ZC3H18: variants seen among roughly 807,000 people sequenced by gnomAD.
ZC3H18 encodes the protein zinc finger CCCH-type containing 18, also known as zinc finger CCCH domain-containing protein 18.
ZC3H18 carries 8 observed loss-of-function variants against 106.1 expected under a neutral mutation model. The ratio of observed to expected loss-of-function variants is 0.08; its 90% confidence interval spans 0.04 to 0.14. The LOEUF is 0.14. ZC3H18 is among the 10% of genes least tolerant of loss of function. The pLI is 1.00. For synonymous variants in ZC3H18, 635 were observed against 522.1 expected (o/e 1.22, Z -2.95); for missense variants, 1,318 against 1,278.4 (o/e 1.03, Z -0.47).
intron 8 of ZC3H18, 122 bp downstream of exon 8, chr16:88,611,658 G>A: frequency 7.2e-7 from 1 of 1,395,558 alleles, no homozygotes; most frequent in Non-Finnish European, 9.5e-7. Context: ...GGGGACCAGT[G>A]CAGGCCCACA....
In ZC3H18 at chr16:88,609,422, C is replaced by T. The variant is rs373763427; in HGVS notation, c.1206+371C>T. On this transcript the variant is annotated intron_variant, in intron 7 of 17. Transcript: ENST00000301011. Reference sequence around the variant, plus strand: ...AAATGATTCTCCATCCTCAGCCTCCCGAGTAGCTGGGACCACACGCATGCA... The same window carrying T: ...AAATGATTCTCCATCCTCAGCCTCCTGAGTAGCTGGGACCACACGCATGCA... Among the ~76,000 whole-genome samples, 94 of 151,530 alleles carry T rather than the reference C, an allele frequency of 6.2e-4. 3 individuals are homozygous for T. In the South Asian group the frequency reaches 0.018, roughly 29 times the overall value.
At chr16:88,593,198 T>C (rs1317467924) in intron 3 of ZC3H18, among the ~76,000 whole-genome samples, 1 of 152,176 alleles carries the variant, frequency 6.6e-6, no homozygotes, top group Non-Finnish European at 1.5e-5. Flanking sequence ...CACTTAGCAT[T>C]GGGCCCCCCT....
intron 5 of ZC3H18, 41 bp from the exon 6 acceptor site, chr16:88,599,750 T>A (rs1904647361): frequency 1.1e-5 from 17 of 1,582,214 alleles, no homozygotes; most frequent in Non-Finnish European, 1.4e-5. Flanking sequence ...CGACGCCCGG[T>A]ATTCTGTTCC....
intron 2 of ZC3H18, among the ~76,000 whole-genome samples, chr16:88,582,887 G>A (rs1045584770): frequency 6.6e-6 from 1 of 152,230 alleles, no homozygotes; most frequent in Non-Finnish European, 1.5e-5. Flanking sequence ...CAGGATTGCT[G>A]TGTACCTCGC....
chr16:88,608,819 TG>T, intron 6 of ZC3H18, 114 bp from the exon 7 acceptor site: 1 of 812,676 alleles, frequency 1.2e-6, no homozygotes. Flanking sequence ...CTTGCGCTCC[TG>T]GAGTAAACCC....
At chr16:88,625,371 G>A in intron 13 of ZC3H18, 104 bp downstream of exon 13, 2 of 1,428,160 alleles carry the variant, frequency 1.4e-6, no homozygotes, top group Non-Finnish European at 1.9e-6. Context: ...GGTGGGCTGG[G>A]GCCCTTCTGG....
chr16:88,604,397 G>A (rs186324491), intron 6 of ZC3H18, among the ~76,000 whole-genome samples: 1,507 of 149,788 alleles, frequency 0.01, 14 homozygotes, highest in Middle Eastern at 0.024. Flanking sequence ...ATTAAGAAAT[G>A]AAATGACGGC....
intron 3 of ZC3H18, among the ~76,000 whole-genome samples, chr16:88,595,340 T>C (rs904304795): frequency 6.6e-6 from 1 of 152,242 alleles, no homozygotes; most frequent in Non-Finnish European, 1.5e-5. Flanking sequence ...AGGCCATGTC[T>C]GTGTACACAG....
intron 5 of ZC3H18, among the ~76,000 whole-genome samples, chr16:88,599,020 G>T (rs910707038): frequency 6.6e-6 from 1 of 152,156 alleles, no homozygotes; most frequent in African/African-American, 2.4e-5. Flanking sequence ...CACCAGGCCC[G>T]GAAGGATGGA....
intron 2 of ZC3H18, among the ~76,000 whole-genome samples, chr16:88,583,343 A>G (rs1330545461): frequency 6.6e-6 from 1 of 152,238 alleles, no homozygotes; most frequent in Non-Finnish European, 1.5e-5. Context: ...GTTTCCTTTG[A>G]AATGGAGGAC....
chr16:88,580,660 C>T (rs1915070100), intron 2 of ZC3H18, among the ~76,000 whole-genome samples: 1 of 152,152 alleles, frequency 6.6e-6, no homozygotes, highest in Non-Finnish European at 1.5e-5. Flanking sequence ...CTGCTGCATT[C>T]CTGCCCCGCG....
At position 88,579,130 on chromosome 16, in the gene ZC3H18, G is replaced by A. The variant is rs145098441; in HGVS notation, c.603+1404G>A. On this transcript the variant is annotated intron_variant, in intron 2 of 17. Coordinates refer to ENST00000301011, the MANE Select transcript of ZC3H18 (RefSeq NM_144604.4). ...TATTGCTCATGTGACTTTACGGGAC[G>A]TGTGTGCACCTGCAAGCTGAGAATT... 3.3e-5 allele frequency among the ~76,000 whole-genome samples: 5 copies of A among 152,336 alleles called. No homozygotes were observed. In the East Asian group the frequency reaches 9.6e-4, roughly 29 times the overall value.
At chr16:88,601,797 C>T (rs1597340088) in intron 6 of ZC3H18, among the ~76,000 whole-genome samples, 1 of 152,220 alleles carries the variant, frequency 6.6e-6, no homozygotes, top group East Asian at 1.9e-4. Flanking sequence ...GCCTTTTGTG[C>T]CATGCCTCCC....
chr16:88,613,188 TC>T (rs1225077077), intron 8 of ZC3H18, among the ~76,000 whole-genome samples: 2 of 152,246 alleles, frequency 1.3e-5, no homozygotes, highest in African/African-American at 4.8e-5. Context: ...TTAACATTTG[TC>T]CACGTTGTAG....
intron 3 of ZC3H18, among the ~76,000 whole-genome samples, chr16:88,595,220 C>T (rs927815649): frequency 6.6e-6 from 1 of 152,192 alleles, no homozygotes; most frequent in African/African-American, 2.4e-5. Context: ...AAGAAAAAGA[C>T]CATCATCCTG....
chr16:88,580,154 ATC>A (rs1416314736), intron 2 of ZC3H18, among the ~76,000 whole-genome samples: 16 of 132,148 alleles, frequency 1.2e-4, no homozygotes, highest in South Asian at 5.0e-4. Flanking sequence ...ACACAGGTTC[ATC>A]TGTGTGTGTG....
rs200954033 is a variant in ZC3H18, at chr16:88,630,619, G to A, written c.2663+38G>A. The A allele has an allele frequency of 2.2e-5, 35 of 1,556,988 alleles. No individual in the cohort carries two copies. In the East Asian group the frequency reaches 2.8e-4, roughly 12 times the overall value. The stretch of plus-strand genomic sequence containing the variant: ...CAGCATGTGCCCTGGGCACACCGAG[G>A]GGGCCAGCCCCAGTCGCTTCCCCAG... On this transcript the variant is annotated intron_variant, in intron 17 of 17. Transcript: ENST00000301011.
At chr16:88,589,019 T>TA (rs1915595050) in intron 3 of ZC3H18, among the ~76,000 whole-genome samples, 1 of 152,242 alleles carries the variant, frequency 6.6e-6, no homozygotes. Context: ...GGCTGATTCT[T>TA]ACCGTTTTCT....
chr16:88,594,529 G>A (rs1172135576), intron 3 of ZC3H18, among the ~76,000 whole-genome samples: 1 of 152,178 alleles, frequency 6.6e-6, no homozygotes, highest in Admixed American at 6.5e-5. Context: ...TTTCCTGTCT[G>A]TTTCCCTGAT....
Sources: allele counts gnomAD v4.1 joint callset (sites outside exome capture counted in the v4.1 genomes callset), GRCh38; gene constraint gnomAD v4.1.1; transcripts MANE v1.5; gene names NCBI Gene and HGNC (gene_info 2026-07-23, HGNC 2026-07-21).